Variants in NLGN1 observed in about 807,000 individuals in gnomAD.
The protein encoded by NLGN1 is neuroligin 1.
A neutral mutation model predicts 65.5 loss-of-function variants in NLGN1; 12 were observed. That is an observed-to-expected ratio of 0.18 (90% CI 0.12 to 0.30). The LOEUF (loss-of-function observed/expected upper bound fraction) is 0.30, where lower values mean the gene tolerates loss of function less well. NLGN1 is among the 10% of genes least tolerant of loss of function. The pLI is 1.00. For missense variants in NLGN1, 750 were observed against 1,007.1 expected, an observed-to-expected ratio of 0.74 and a Z score of 3.46; for synonymous variants, 350 against 359.5, an observed-to-expected ratio of 0.97 and a Z score of 0.30.
intron 4 of NLGN1, among the ~76,000 whole-genome samples, chr3:174,239,758 G>C (rs1392956336): frequency 6.6e-6 from 1 of 152,034 alleles, no homozygotes; most frequent in Non-Finnish European, 1.5e-5. Context: ...CTAAGAAGAG[G>C]GTTTGGCTCT....
intron 4 of NLGN1, among the ~76,000 whole-genome samples, chr3:173,884,034 C>A (rs1042610538): frequency 1.3e-5 from 2 of 151,530 alleles, no homozygotes; most frequent in African/African-American, 4.9e-5. Flanking sequence ...GTAGGGTAAA[C>A]TAAAGATTTC....
intron 2 of NLGN1, among the ~76,000 whole-genome samples, chr3:173,442,433 C>G (rs1719374691): frequency 6.6e-6 from 1 of 152,066 alleles, no homozygotes; most frequent in Non-Finnish European, 1.5e-5. Context: ...TCACATTGTT[C>G]CTGAATCCAG....
intron 4 of NLGN1, among the ~76,000 whole-genome samples, chr3:174,124,171 T>TTCCC (rs1023518190): frequency 3.3e-5 from 5 of 152,142 alleles, no homozygotes; most frequent in African/African-American, 1.2e-4. Flanking sequence ...AATCTTAAAC[T>TTCCC]TCCCAGCCTC....
chr3:173,648,762 A>C (rs1758675351), intron 3 of NLGN1, among the ~76,000 whole-genome samples: 1 of 152,000 alleles, frequency 6.6e-6, no homozygotes. Context: ...TTTAGTAGAG[A>C]TGGGATTTCA....
At position 173,703,099 on chromosome 3, in the gene NLGN1, A is replaced by G. The variant is rs1456003532; in HGVS notation, c.493+98008A>G. Among the ~76,000 whole-genome samples, 6 of 151,384 alleles carry G rather than the reference A, an allele frequency of 4.0e-5. No homozygotes were observed. In the East Asian group the frequency reaches 5.8e-4, roughly 15 times the overall value. ...GTTTTTTTTTTTTTTAAACTTATAC[A>G]TTAAACACTACCAATAACTTCAACC... On this transcript the variant is annotated intron_variant, in intron 3 of 6. Transcript: ENST00000457714.
chr3:173,676,387 G>T (rs114976116), intron 3 of NLGN1, among the ~76,000 whole-genome samples: 1 of 152,072 alleles, frequency 6.6e-6, no homozygotes, highest in Non-Finnish European at 1.5e-5. Context: ...ATCAGTTCAA[G>T]TACCATATGA....
intron 3 of NLGN1, among the ~76,000 whole-genome samples, chr3:173,670,572 A>G (rs1577864961): frequency 1.3e-5 from 2 of 152,266 alleles, no homozygotes; most frequent in East Asian, 3.9e-4. Flanking sequence ...TTCAAAATGG[A>G]CAAAGGGCAT....
chr3:173,975,538 G>A (rs769527068), intron 4 of NLGN1, among the ~76,000 whole-genome samples: 3 of 151,910 alleles, frequency 2.0e-5, no homozygotes, highest in African/African-American at 7.3e-5. Flanking sequence ...AAGTGTAATC[G>A]TTCTTTGAAG....
chr3:174,030,825 T>G (rs1021202371), intron 4 of NLGN1, among the ~76,000 whole-genome samples: 3 of 152,134 alleles, frequency 2.0e-5, no homozygotes, highest in East Asian at 3.9e-4. Context: ...CATTGCAGAA[T>G]TTCCCAAAGG....
At chr3:174,095,479 T>TTGTGTGTG (rs145452364) in intron 4 of NLGN1, among the ~76,000 whole-genome samples, 5 of 149,786 alleles carry the variant, frequency 3.3e-5, no homozygotes, top group African/African-American at 1.2e-4. Flanking sequence ...GTGTGTATGC[T>TTGTGTGTG]TGTGTGTGTG....
intron 4 of NLGN1, among the ~76,000 whole-genome samples, chr3:174,259,235 A>G (rs1014835202): frequency 3.9e-5 from 6 of 152,038 alleles, no homozygotes; most frequent in Non-Finnish European, 1.5e-5. Flanking sequence ...TCTTTTTATT[A>G]TTTGTGTCTG....
At chr3:174,166,523 T>TA (rs1182183825) in intron 4 of NLGN1, among the ~76,000 whole-genome samples, 10 of 152,246 alleles carry the variant, frequency 6.6e-5, no homozygotes, top group African/African-American at 2.4e-4. Context: ...TTTCTATTTT[T>TA]ACTTCACCAT....
At chr3:173,491,834 T>G (rs953265379) in intron 2 of NLGN1, among the ~76,000 whole-genome samples, 2 of 151,796 alleles carry the variant, frequency 1.3e-5, no homozygotes, top group Non-Finnish European at 2.9e-5. Flanking sequence ...TAGAATCACA[T>G]GCTGAAGCCA....
Position 174,252,408 on chromosome 3 carries a change from T to C in NLGN1, c.647-22907T>C, listed in dbSNP as rs375525166. Among the ~76,000 whole-genome samples, 17 of 152,158 alleles carry C rather than the reference T, an allele frequency of 1.1e-4. No homozygotes were observed. The East Asian group carries it at 1.5e-3, about 14-fold the overall frequency. Reference sequence around the variant, plus strand: ...ATAAAATTCATATTATAACAAAATATTGTTATCTAGAAATAGTTTACTAGT... The same window carrying C: ...ATAAAATTCATATTATAACAAAATACTGTTATCTAGAAATAGTTTACTAGT... On this transcript the variant is annotated intron_variant, in intron 4 of 6. Coordinates refer to ENST00000457714, the Ensembl canonical transcript of NLGN1.
At chr3:173,496,507 T>G (rs990236012) in intron 2 of NLGN1, among the ~76,000 whole-genome samples, 1 of 151,886 alleles carries the variant, frequency 6.6e-6, no homozygotes, top group African/African-American at 2.4e-5. Context: ...AATGTTTTTA[T>G]AAAACATGGG....
chr3:173,494,477 C>G (rs1320982941), intron 2 of NLGN1, among the ~76,000 whole-genome samples: 1 of 151,440 alleles, frequency 6.6e-6, no homozygotes, highest in Non-Finnish European at 1.5e-5. Context: ...AATAGCATCT[C>G]AAGTTATTGC....
chr3:174,041,170 CTG>C (rs1207478750), intron 4 of NLGN1, among the ~76,000 whole-genome samples: 2 of 152,110 alleles, frequency 1.3e-5, no homozygotes, highest in African/African-American at 4.8e-5. Context: ...GTTTTAATCA[CTG>C]TGTGGATTTT....
Position 173,715,709 on chromosome 3 carries a change from A to C in NLGN1, c.494-91971A>C, listed in dbSNP as rs2292052. 3.0e-4 allele frequency among the ~76,000 whole-genome samples: 46 copies of C among 152,268 alleles called. 1 individual carries two copies. The East Asian group carries it at 6.9e-3, about 23-fold the overall frequency. ...TAATTTACTTAAATAAATAGCATCA[A>C]TTTTTAAGCTATTTTCCAGATAGCA... On this transcript the variant is annotated intron_variant, in intron 3 of 6. Coordinates refer to ENST00000457714, the Ensembl canonical transcript of NLGN1.
chr3:174,231,453 C>T (rs183565441), intron 4 of NLGN1, among the ~76,000 whole-genome samples: 5 of 152,252 alleles, frequency 3.3e-5, no homozygotes, highest in Admixed American at 1.3e-4. Context: ...AATGTACGGT[C>T]GCTGGGATTG....
Sources: gnomAD v4.1 joint callset for allele counts (sites outside exome capture counted in the v4.1 genomes callset) on GRCh38, gnomAD v4.1.1 for gene constraint, MANE v1.5 for transcripts, NCBI Gene and HGNC (gene_info 2026-07-23, HGNC 2026-07-21) for gene names.